MTOR: variants seen among roughly 807,000 people sequenced by gnomAD.
MTOR encodes mechanistic target of rapamycin kinase.
MTOR carries 70 observed loss-of-function variants against 319.8 expected under a neutral mutation model. The observed-to-expected ratio is 0.22, with a 90% CI of 0.18 to 0.27. The LOEUF (loss-of-function observed/expected upper bound fraction) is 0.27, where lower values mean the gene tolerates loss of function less well. Ranked by LOEUF, MTOR falls within the 10% of genes least tolerant of loss-of-function variation. MTOR has a pLI of 1.00. For synonymous variants in MTOR, 1,183 were observed against 1,211.4 expected, an observed-to-expected ratio of 0.98 and a Z score of 0.49; for missense variants, 1,890 against 3,274.4, an observed-to-expected ratio of 0.58 and a Z score of 10.32.
chr1:11,228,839 C>T lies in MTOR; in HGVS notation c.2859G>A (p.Val953=), dbSNP rs764309419. 6.2e-7 allele frequency: 1 copy of T among 1,614,144 alleles called. No individual in the cohort carries two copies. The highest frequency in any genetic ancestry group is 1.1e-5 in the South Asian group (1 of 91,086). The change falls in exon 19 of 58, where the codon GTG becomes GTA. Residue 953 remains valine, a synonymous_variant. Transcript: ENST00000361445. ...LDEFYPAVSM[V]ALMRIFRDQS... is the part of the protein sequence containing the mutation. The stretch of plus-strand genomic sequence containing the variant: ...GGTCTCGGAAGATCCGCATCAGGGC[C>T]ACCATGGACACAGCTGGGTAGAACT...
chr1:11,214,107 A>C (rs556463933), intron 20 of MTOR, among the ~76,000 whole-genome samples: 4 of 152,156 alleles, frequency 2.6e-5, no homozygotes, highest in African/African-American at 9.6e-5. Context: ...CACTCAAAAA[A>C]CTCTGAAGTG....
At chr1:11,193,864 C>T (rs1354047573) in intron 28 of MTOR, 4 of 1,265,596 alleles carry the variant, frequency 3.2e-6, no homozygotes, top group Non-Finnish European at 4.4e-6. Flanking sequence ...TATTCTGATT[C>T]AAGACAAATC....
intron 28 of MTOR, among the ~76,000 whole-genome samples, chr1:11,198,548 A>G (rs1645860373): frequency 6.6e-6 from 1 of 152,198 alleles, no homozygotes; most frequent in Non-Finnish European, 1.5e-5. Flanking sequence ...CTGCAGTGAA[A>G]TGACCGACCA....
Position 11,228,777 on chromosome 1 carries a change from G to A in MTOR, c.2921C>T (p.Ala974Val), listed in dbSNP as rs766640389. Residue 974 changes from alanine to valine, a missense_variant, in exon 19 of 58, where the codon GCC becomes GTC. Coordinates refer to ENST00000361445, the MANE Select transcript of MTOR (RefSeq NM_004958.4). The stretch of plus-strand genomic sequence containing the variant: ...CAGGGACTTGAAGATGAAGGTGATG[G>A]CCTGGACAACCATGGTGTGATGATG... ...LSHHHTMVVQ[A>V]ITFIFKSLGL... 6.2e-7 allele frequency: 1 copy of A among 1,614,126 alleles called. No individual in the cohort carries two copies. Among genetic ancestry groups the A allele is most frequent in the Non-Finnish European group, 8.5e-7 (1 of 1,180,020 alleles).
Position 11,124,617 on chromosome 1 carries a change from C to T in MTOR, c.6543G>A (p.Glu2181=), listed in dbSNP as rs17229235. The T allele has an allele frequency of 1.5e-5, 24 of 1,610,438 alleles. No individual in the cohort carries two copies. Among genetic ancestry groups the T allele is most frequent in the Non-Finnish European group, 2.0e-5 (23 of 1,176,910 alleles). Residue 2181 remains glutamate (E), a synonymous_variant, in exon 47 of 58, where the codon GAG becomes GAA. Transcript: ENST00000361445. The stretch of plus-strand genomic sequence containing the variant: ...CATGGCCTTTTAGAAGGAAAACAAA[C>T]TCATGTCCGTTGCTGCCTGTAAGGA... ...KLTLMGSNGH[E]FVFLLKGHED...
chr1:11,167,986 C>A (rs571361316), intron 28 of MTOR, among the ~76,000 whole-genome samples: 1 of 151,686 alleles, frequency 6.6e-6, no homozygotes, highest in South Asian at 2.1e-4. Context: ...GGGAGAATGG[C>A]GTGAACCTGG....
chr1:11,241,429 G>C (rs1051954321), intron 10 of MTOR, 124 bp downstream of exon 10: 4 of 1,216,096 alleles, frequency 3.3e-6, no homozygotes, highest in Non-Finnish European at 4.5e-6. Context: ...TGTGTGTTTA[G>C]TCTAAGCTAT....
At chr1:11,147,553 C>A (rs540894412) in intron 31 of MTOR, among the ~76,000 whole-genome samples, 5 of 152,364 alleles carry the variant, frequency 3.3e-5, no homozygotes, top group African/African-American at 1.2e-4. Flanking sequence ...CTGCCTCTCA[C>A]TCCAGACCAT....
chr1:11,135,770 T>C (rs1169454102), intron 36 of MTOR, among the ~76,000 whole-genome samples: 1 of 149,612 alleles, frequency 6.7e-6, no homozygotes, highest in Non-Finnish European at 1.5e-5. Flanking sequence ...GAGGCGGAGG[T>C]TGTAGTGGGC....
chr1:11,161,051 CAG>C (rs1181236113), intron 29 of MTOR, among the ~76,000 whole-genome samples: 4 of 152,178 alleles, frequency 2.6e-5, no homozygotes, highest in African/African-American at 9.7e-5. Flanking sequence ...GAAGTTGTGA[CAG>C]ATGGCACCTG....
At chr1:11,257,380 C>CAAAAAAAAA (rs1006118528) in intron 3 of MTOR, among the ~76,000 whole-genome samples, 20 of 36,522 alleles carry the variant, frequency 5.5e-4, no homozygotes, top group East Asian at 8.1e-4. Context: ...TACTAAGATA[C>CAAAAAAAAA]AAAAAAAAAA....
In MTOR at chr1:11,209,354, T is replaced by C. The variant is rs779301631; in HGVS notation, c.3759A>G (p.Gly1253=). The C allele has an allele frequency of 8.1e-6, 13 of 1,614,194 alleles. No homozygotes were observed. Among genetic ancestry groups the C allele is most frequent in the Non-Finnish European group, 1.1e-5 (13 of 1,180,022 alleles). The part of the protein sequence containing the change: ...DALASGPVET[G]PMKKLHVSTI... ...TGCTGACGTGCAGTTTCTTCATGGG[T>C]CCTGTTTCCACTGGTCCACTAGCCA... Residue 1253 remains glycine (G), a synonymous_variant, in exon 25 of 58, where the codon GGA becomes GGG. Transcript: ENST00000361445.
chr1:11,247,196 G>C (rs11121708), intron 8 of MTOR, among the ~76,000 whole-genome samples: 97,753 of 152,032 alleles, frequency 0.64, 33,783 homozygotes, highest in East Asian at 0.91. Flanking sequence ...CTGAGTTGGG[G>C]CAGCTTCAGG....
intron 28 of MTOR, among the ~76,000 whole-genome samples, chr1:11,175,233 C>T (rs1644945535): frequency 6.6e-6 from 1 of 152,168 alleles, no homozygotes; most frequent in African/African-American, 2.4e-5. Flanking sequence ...CCAGAGCCCA[C>T]AAACTGAACC....
In MTOR at chr1:11,133,901, G is replaced by A. The variant is rs1238870465; in HGVS notation, c.5246+450C>T. Among the ~76,000 whole-genome samples, 1 of 152,120 alleles carries A rather than the reference G, an allele frequency of 6.6e-6. No individual in the cohort carries two copies. The highest frequency in any genetic ancestry group is 1.5e-5 in the Non-Finnish European group (1 of 68,020). ...ATTAAACTTGTAGGAGGAAATGCAG[G>A]CTCTATGCCTGTTCTTTTGTAGAGA... On this transcript the variant is annotated intron_variant, in intron 37 of 57. Transcript: ENST00000361445. This position sits in a 1 kb window ranked among gnomAD's most constrained non-coding sequence, Gnocchi z 4.0.
chr1:11,175,617 C>T (rs916195077), intron 28 of MTOR, among the ~76,000 whole-genome samples: 1 of 152,226 alleles, frequency 6.6e-6, no homozygotes, highest in South Asian at 2.1e-4. Context: ...AGCTGAGCAG[C>T]GGGTGGTTCA....
Position 11,129,625 on chromosome 1 carries a change from G to T in MTOR, c.5714+113C>A, listed in dbSNP as rs527494442. 5 of 899,364 alleles carry T rather than the reference G, an allele frequency of 5.6e-6. No homozygotes were observed. Among genetic ancestry groups the T allele is most frequent in the Middle Eastern group, 3.1e-4 (1 of 3,252 alleles). 55.7% of individuals were successfully genotyped at this position (899,364 alleles called of 1,614,324 possible). A position where few individuals can be genotyped will look rare whatever the true frequency, so the allele number is the denominator to read the frequency against. The stretch of plus-strand genomic sequence containing the variant: ...AGTGCAGAAAAAAGGCACATACATC[G>T]ATCTTGGGTGTCCTGATCAGGGTCA... On this transcript the variant is annotated intron_variant, in intron 40 of 57. Coordinates refer to ENST00000361445, the MANE Select transcript of MTOR (RefSeq NM_004958.4). The surrounding 1 kb of genome is among the most constrained non-coding windows in gnomAD (Gnocchi z 4.7).
rs759882877 is a variant in MTOR, at chr1:11,117,045, C to T, written c.6975G>A (p.Ala2325=). ...DRRTNYTRSL[A]VMSMVGYILG... is the part of the protein sequence containing the mutation. ...AAATATACCCAACCATTGACATGAC[C>T]GCTAAAGAACGGGTATAATTGGTTC... Residue 2325 remains alanine, a synonymous_variant, in exon 50 of 58, where the codon GCG becomes GCA. Coordinates refer to ENST00000361445, the MANE Select transcript of MTOR (RefSeq NM_004958.4). The T allele has an allele frequency of 9.9e-6, 16 of 1,613,366 alleles. No individual in the cohort carries two copies. The highest frequency in any genetic ancestry group is 4.5e-5 in the East Asian group (2 of 44,874).
chr1:11,220,498 T>C (rs1233315189), intron 19 of MTOR, among the ~76,000 whole-genome samples: 1 of 152,162 alleles, frequency 6.6e-6, no homozygotes, highest in Non-Finnish European at 1.5e-5. Context: ...ATTTGTCCTA[T>C]GAAGAAAGAA....
Sources: gnomAD v4.1 joint callset for allele counts (sites outside exome capture counted in the v4.1 genomes callset) on GRCh38, gnomAD v4.1.1 for gene constraint, Gnocchi (gnomAD v3.1) non-coding constraint, MANE v1.5 for transcripts, NCBI Gene and HGNC (gene_info 2026-07-23, HGNC 2026-07-21) for gene names.